GABRR2: variants seen among roughly 807,000 people sequenced by gnomAD.
The protein encoded by GABRR2 is gamma-aminobutyric acid type A receptor subunit rho2.
A neutral mutation model predicts 47.0 loss-of-function variants in GABRR2; 36 were observed. The ratio of observed to expected loss-of-function variants is 0.77; its 90% CI spans 0.59 to 1.01. The LOEUF is 1.01. Ranked by LOEUF, GABRR2 falls within the 50% of genes least tolerant of loss-of-function variation. The pLI, the probability that GABRR2 is intolerant of heterozygous loss-of-function variation, is 0.00. For missense variants in GABRR2, 587 were observed against 594.6 expected (o/e 0.99, Z 0.13); for synonymous variants, 204 against 227.5 (o/e 0.90, Z 0.93).
At position 89,257,899 on chromosome 6, in the gene GABRR2, G is replaced by C. The variant is rs911988917; in HGVS notation, c.1169C>G (p.Ala390Gly). The C allele has an allele frequency of 6.2e-7, 1 of 1,613,912 alleles. No homozygotes were observed. The highest frequency in any genetic ancestry group is 1.7e-5 in the Admixed American group (1 of 60,024). ...SYSESEANSLAGYPRSHILTE... is the reference protein window; with the variant it reads ...SYSESEANSLGGYPRSHILTE... ...CAGGATATGGCTTCTGGGGTACCCA[G>C]CCAGGCTGTTGGCCTCAGACTCACT... The change falls in exon 9 of 9, where the codon GCT becomes GGT. Residue 390 changes from alanine to glycine, a missense_variant. Physicochemically the swap from Ala to Gly is moderately conservative, Grantham distance 60 (BLOSUM62 0). Coordinates refer to ENST00000402938, the MANE Select transcript of GABRR2 (RefSeq NM_002043.5).
intron 3 of GABRR2, among the ~76,000 whole-genome samples, chr6:89,271,405 A>G (rs1413916639): frequency 6.6e-6 from 1 of 152,232 alleles, no homozygotes; most frequent in Non-Finnish European, 1.5e-5. Context: ...AATGCAAAGT[A>G]TCACTCCCAG....
At chr6:89,296,138 T>C (rs1390909615) in intron 2 of GABRR2, among the ~76,000 whole-genome samples, 1 of 152,216 alleles carries the variant, frequency 6.6e-6, no homozygotes, top group Admixed American at 6.5e-5. Flanking sequence ...GCAGCCTCCT[T>C]TCTCACAGAG....
At chr6:89,292,795 C>T (rs1357767561) in intron 2 of GABRR2, among the ~76,000 whole-genome samples, 1 of 19,252 alleles carries the variant, frequency 5.2e-5, no homozygotes, top group Non-Finnish European at 7.9e-5. Context: ...TACGATATAT[C>T]GTATATATCG....
At position 89,264,571 on chromosome 6, in the gene GABRR2, C is replaced by T. The variant is rs147668016; in HGVS notation, c.927G>A (p.Thr309=). ...TTVLTMTTII[T]GVNASMPRVS... ...CGCGCGGCATGGAGGCATTCACGCC[C>T]GTGATGATGGTGGTCATGGTCAGCA... The change falls in exon 8 of 9, where the codon ACG becomes ACA. Residue 309 remains threonine, a synonymous_variant. Transcript: ENST00000402938. The T allele has an allele frequency of 1.1e-5, 17 of 1,614,050 alleles. No individual in the cohort carries two copies. In the African/African-American group the frequency reaches 1.5e-4, roughly 14 times the overall value.
Position 89,271,734 on chromosome 6 carries a change from C to A in GABRR2, c.221-12G>T. 1.2e-6 allele frequency: 2 copies of A among 1,609,616 alleles called. No individual in the cohort carries two copies. The highest frequency in any genetic ancestry group is 1.1e-5 in the South Asian group (1 of 90,018). ...CGGGATGGCAGGGCCTGCAGAAGAGCAGAGACAGCTGGTTAAGGCACCTTC... is the reference window on the plus strand; with the variant it reads ...CGGGATGGCAGGGCCTGCAGAAGAGAAGAGACAGCTGGTTAAGGCACCTTC... On this transcript the variant is annotated splice_polypyrimidine_tract_variant and intron_variant, in intron 2 of 8. Coordinates refer to ENST00000402938, the MANE Select transcript of GABRR2 (RefSeq NM_002043.5).
intron 8 of GABRR2, among the ~76,000 whole-genome samples, chr6:89,258,293 A>AACTTAAG (rs1461371116): frequency 1.3e-5 from 2 of 152,104 alleles, no homozygotes; most frequent in Admixed American, 1.3e-4. Context: ...TAGAGACAAA[A>AACTTAAG]ACTTAAGACC....
In GABRR2 at chr6:89,312,760, T is replaced by C. The variant is rs76773294; in HGVS notation, c.113+2293A>G. Among the ~76,000 whole-genome samples the C allele has an allele frequency of 4.1e-3, 623 of 152,358 alleles. 2 individuals are homozygous for C. Among genetic ancestry groups the C allele is most frequent in the African/African-American group, 0.014 (598 of 41,586 alleles). On this transcript the variant is annotated intron_variant, in intron 1 of 8. Coordinates refer to ENST00000402938, the MANE Select transcript of GABRR2 (RefSeq NM_002043.5). Reference sequence around the variant, plus strand: ...CTGTCTGACTGTGTGTGCATTCTCATGGATGCAGAAAGGCCCAGAACCACA... The same window carrying C: ...CTGTCTGACTGTGTGTGCATTCTCACGGATGCAGAAAGGCCCAGAACCACA...
chr6:89,301,958 ATGTG>A lies in GABRR2; in HGVS notation c.114-2097_114-2094del, dbSNP rs1752286374. On this transcript the variant is annotated intron_variant, in intron 1 of 8. Transcript: ENST00000402938. The stretch of plus-strand genomic sequence containing the variant: ...TACAACGAGGCCTCTTCTCATAAGT[ATGTG>A]CCTCGGGCCATTCGTCGACCTGGAG... 4.5e-6 allele frequency: 4 copies of A among 897,094 alleles called. No individual in the cohort carries two copies. In the Admixed American group the frequency reaches 7.2e-5, roughly 16 times the overall value. 55.6% of individuals were successfully genotyped at this position (897,094 alleles called of 1,614,324 possible).
intron 1 of GABRR2, among the ~76,000 whole-genome samples, chr6:89,303,416 TAAA>T (rs34549236): frequency 6.8e-6 from 1 of 147,242 alleles, no homozygotes; most frequent in African/African-American, 2.5e-5. Flanking sequence ...TGCTGTCAGA[TAAA>T]AAAAAAAAGA....
At chr6:89,312,016 G>A (rs74842349) in intron 1 of GABRR2, among the ~76,000 whole-genome samples, 5,550 of 152,124 alleles carry the variant, frequency 0.036, 155 homozygotes, top group Non-Finnish European at 0.054. Flanking sequence ...GCAGACCCAG[G>A]AAGGATGGCC....
chr6:89,309,947 CTT>C (rs565193467), intron 1 of GABRR2, among the ~76,000 whole-genome samples: 24 of 128,172 alleles, frequency 1.9e-4, no homozygotes, highest in African/African-American at 4.8e-4. Context: ...CCTGGCTAAT[CTT>C]TTTTTTTTTT....
rs1023515742 is a variant in GABRR2, at chr6:89,264,284, A to T, written c.1086+128T>A. On this transcript the variant is annotated intron_variant, in intron 8 of 8. Transcript: ENST00000402938. ...AAGCCAGAACCTATTCTAAAACAAG[A>T]TCCTCCTCGTTTTGCACAAACATCT... The T allele has an allele frequency of 5.4e-6, 6 of 1,118,814 alleles. No individual in the cohort carries two copies. The East Asian group carries it at 1.6e-4, about 29-fold the overall frequency. The allele number at this position is 1,118,814 out of a possible 1,614,324, so 69.3% of individuals were successfully genotyped here.
intron 2 of GABRR2, among the ~76,000 whole-genome samples, chr6:89,293,982 T>C (rs1774512198): frequency 6.6e-6 from 1 of 152,212 alleles, no homozygotes; most frequent in Admixed American, 6.6e-5. Context: ...TCTTTTCTCT[T>C]TCTAGACTAA....
At chr6:89,303,219 C>T (rs74950534) in intron 1 of GABRR2, 6,714 of 370,856 alleles carry the variant, frequency 0.018, 447 homozygotes, top group African/African-American at 0.13. Context: ...AGCTTTCCCC[C>T]ACCAGCTTGT....
intron 4 of GABRR2, among the ~76,000 whole-genome samples, chr6:89,268,302 A>G (rs545021894): frequency 3.9e-5 from 6 of 152,194 alleles, no homozygotes; most frequent in Non-Finnish European, 8.8e-5. Flanking sequence ...CCAGATCCCC[A>G]TTACTGGGCT....
At chr6:89,307,371 T>C (rs956420148) in intron 1 of GABRR2, among the ~76,000 whole-genome samples, 2 of 152,230 alleles carry the variant, frequency 1.3e-5, no homozygotes, top group Non-Finnish European at 2.9e-5. Context: ...TTGTGTTATG[T>C]TGGCTAGACC....
chr6:89,262,918 TACTTTTGC>T (rs1219746609), intron 8 of GABRR2, among the ~76,000 whole-genome samples: 2 of 152,234 alleles, frequency 1.3e-5, no homozygotes, highest in East Asian at 3.8e-4. Flanking sequence ...TTTATATCAT[TACTTTTGC>T]ACAGACCTAA....
chr6:89,304,166 C>T (rs1582464757), intron 1 of GABRR2, among the ~76,000 whole-genome samples: 1 of 152,040 alleles, frequency 6.6e-6, no homozygotes. Flanking sequence ...AAATAGACAC[C>T]CTACAGAATG....
rs139672199 is a variant in GABRR2, at chr6:89,265,646, C to T, written c.856G>A (p.Asp286Asn). The change falls in exon 7 of 9, where the codon GAC (aspartate) becomes AAC (asparagine). Residue 286 changes from aspartate to asparagine, a missense_variant. By Grantham distance (23) the Asp-to-Asn change is conservative (BLOSUM62 1). Coordinates refer to ENST00000402938, the MANE Select transcript of GABRR2 (RefSeq NM_002043.5). ...ACTCTGGCAGGCACAGCTCTGCGGT[C>T]GATCCAGAAGGACACCCAGGACAGC... Reference protein sequence around the residue: ...VMLSWVSFWIDRRAVPARVSL... With the variant: ...VMLSWVSFWINRRAVPARVSL... The T allele has an allele frequency of 1.0e-4, 166 of 1,614,044 alleles. No individual in the cohort carries two copies. The African/African-American group carries it at 1.6e-3, about 15-fold the overall frequency.
Sources: gnomAD v4.1 joint callset for allele counts (sites outside exome capture counted in the v4.1 genomes callset) on GRCh38, gnomAD v4.1.1 for gene constraint, MANE v1.5 for transcripts, NCBI Gene and HGNC (gene_info 2026-07-23, HGNC 2026-07-21) for gene names.